Variants in PCDHGB3 observed in about 807,000 individuals in gnomAD.
The protein encoded by PCDHGB3 is protocadherin gamma-B3.
In PCDHGB3, 40 loss-of-function variants were observed where a neutral mutation model predicts 59.2. That is an observed-to-expected ratio of 0.68 (90% CI 0.52 to 0.88). The LOEUF is 0.88. Ranked by LOEUF, PCDHGB3 falls within the 40% of genes least tolerant of loss-of-function variation. PCDHGB3 has a pLI of 0.00. For synonymous variants in PCDHGB3, 581 were observed against 503.6 expected (o/e 1.15, Z -2.06); for missense variants, 1,309 against 1,187.9 (o/e 1.10, Z -1.50).
Position 141,489,934 on chromosome 5 carries a change from G to A in PCDHGB3, c.2416-4873G>A, listed in dbSNP as rs777780708. 1.7e-5 allele frequency: 28 copies of A among 1,614,176 alleles called. No homozygotes were observed. Among genetic ancestry groups the A allele is most frequent in the East Asian group, 6.7e-5 (3 of 44,876 alleles). On this transcript the variant is annotated intron_variant, in intron 1 of 3. Coordinates refer to ENST00000576222, the MANE Select transcript of PCDHGB3 (RefSeq NM_018924.5). This position sits in a 1 kb window ranked among gnomAD's most constrained non-coding sequence, Gnocchi z 4.5. ...AGGGACCACCCTTATCTCTGTCATCGTGCTGGACATCAATGATAATGCTCC... is the reference window on the plus strand; with the variant it reads ...AGGGACCACCCTTATCTCTGTCATCATGCTGGACATCAATGATAATGCTCC...
intron 1 of PCDHGB3, chr5:141,403,047 G>T: frequency 6.2e-7 from 1 of 1,614,062 alleles, no homozygotes; most frequent in Non-Finnish European, 8.5e-7. Flanking sequence ...AGTCAGATTC[G>T]CTACTCAGTG....
chr5:141,400,027 G>A, intron 1 of PCDHGB3: 20 of 1,612,664 alleles, frequency 1.2e-5, no homozygotes, highest in Non-Finnish European at 1.7e-5. Flanking sequence ...CAGGGACGCG[G>A]CCCGCCAGCG....
chr5:141,400,220 T>C, intron 1 of PCDHGB3: 1 of 1,614,006 alleles, frequency 6.2e-7, no homozygotes. Context: ...ATCTCAGTGC[T>C]CTTCCTCCTG....
intron 1 of PCDHGB3, chr5:141,413,715 G>A (rs955570292): frequency 2.5e-6 from 4 of 1,613,472 alleles, no homozygotes; most frequent in Non-Finnish European, 3.4e-6. Context: ...GCCCCAATAA[G>A]CACTTCTCCC....
rs745716373 is a variant in PCDHGB3, at chr5:141,383,166, G to A, written c.2415+10357G>A. 10 of 1,614,130 alleles carry A rather than the reference G, an allele frequency of 6.2e-6. No individual in the cohort carries two copies. In the Admixed American group the frequency reaches 1.3e-4, roughly 22 times the overall value. On this transcript the variant is annotated intron_variant, in intron 1 of 3. Coordinates refer to ENST00000576222, the MANE Select transcript of PCDHGB3 (RefSeq NM_018924.5). ...GCGGCAGCTTGGTCACTGCGGGCAG[G>A]ATAGACCGGGAAGAGATCTGCGCTC...
intron 1 of PCDHGB3, chr5:141,441,387 G>A (rs2098243952): frequency 6.5e-6 from 1 of 153,712 alleles, no homozygotes; most frequent in Non-Finnish European, 1.5e-5. Flanking sequence ...CAGACCCAAG[G>A]TATAACATCA....
chr5:141,388,958 C>G, intron 1 of PCDHGB3: 1 of 1,613,930 alleles, frequency 6.2e-7, no homozygotes, highest in Non-Finnish European at 8.5e-7. Context: ...TGGAGGACGC[C>G]GAGCTGGGAA....
At chr5:141,484,958 G>T in intron 1 of PCDHGB3, 1 of 575,874 alleles carries the variant, frequency 1.7e-6, no homozygotes. Flanking sequence ...TATTGGCTGA[G>T]CCCGGGAGCC....
intron 1 of PCDHGB3, among the ~76,000 whole-genome samples, chr5:141,455,902 TA>T (rs2098836291): frequency 6.7e-6 from 1 of 149,860 alleles, no homozygotes. Context: ...TTTATTTATT[TA>T]TTTATTTATT....
At chr5:141,409,546 C>G in intron 1 of PCDHGB3, 1 of 1,613,998 alleles carries the variant, frequency 6.2e-7, no homozygotes, top group Non-Finnish European at 8.5e-7. Flanking sequence ...TCAACGACAA[C>G]GCCCCAGTTT....
At chr5:141,382,318 T>C (rs1233432296) in intron 1 of PCDHGB3, among the ~76,000 whole-genome samples, 2 of 152,250 alleles carry the variant, frequency 1.3e-5, no homozygotes, top group Non-Finnish European at 2.9e-5. Context: ...TACACTGATG[T>C]AAATATTTTC....
chr5:141,483,133 T>C (rs1263073911), intron 1 of PCDHGB3, among the ~76,000 whole-genome samples: 25 of 152,142 alleles, frequency 1.6e-4, no homozygotes, highest in South Asian at 1.2e-3. Flanking sequence ...GGAGATGAGG[T>C]GAAGCAAGTA....
chr5:141,485,185 G>C lies in PCDHGB3; in HGVS notation c.2416-9622G>C. On this transcript the variant is annotated intron_variant, in intron 1 of 3. Transcript: ENST00000576222. This position sits in a 1 kb window ranked among gnomAD's most constrained non-coding sequence, Gnocchi z 5.7. ...AGCGGGCGGCAGCAATGCTCCGCAA[G>C]GTGAGAAGCTGGACAGAAATCTGGC... 6.2e-7 allele frequency: 1 copy of C among 1,613,528 alleles called. No homozygotes were observed. Among genetic ancestry groups the C allele is most frequent in the Non-Finnish European group, 8.5e-7 (1 of 1,179,492 alleles).
chr5:141,374,543 C>T (rs755927894), intron 1 of PCDHGB3: 3 of 1,613,376 alleles, frequency 1.9e-6, no homozygotes, highest in South Asian at 1.1e-5. Context: ...TCGTTTTCCA[C>T]TAATGGAGGT....
chr5:141,383,611 C>A lies in PCDHGB3; in HGVS notation c.2415+10802C>A, dbSNP rs757490099. ...GGTGACAGTGGTGGATGTGAATGAC[C>A]ACACGCCTGTCTTCTCTCTGCCTCA... On this transcript the variant is annotated intron_variant, in intron 1 of 3. Coordinates refer to ENST00000576222, the MANE Select transcript of PCDHGB3 (RefSeq NM_018924.5). 8 of 1,613,656 alleles carry A rather than the reference C, an allele frequency of 5.0e-6. No individual in the cohort carries two copies. The Admixed American group carries it at 1.3e-4, about 27-fold the overall frequency.
rs1193015568 is a variant in PCDHGB3 at position 141,372,811 on chromosome 5, TGA to T, written c.2415+4_2415+5del. 2 of 1,586,454 alleles carry T rather than the reference TGA, an allele frequency of 1.3e-6. No homozygotes were observed. Among genetic ancestry groups the T allele is most frequent in the Admixed American group, 1.8e-5 (1 of 55,706 alleles). On this transcript the variant is annotated splice_donor_region_variant and intron_variant, in intron 1 of 3. Transcript: ENST00000576222. ...TCTAATTCAGGCAATTTGCAAAAGG[TGA>T]GTTTCTTCAAACCTTTCCTTCCATA...
chr5:141,460,726 A>G lies in PCDHGB3; in HGVS notation c.2416-34081A>G, dbSNP rs545089217. ...GAGAATAAACTATTGTTATAAGCAT[A>G]TATACACATTGTATATATATGTGTA... On this transcript the variant is annotated intron_variant, in intron 1 of 3. Coordinates refer to ENST00000576222, the MANE Select transcript of PCDHGB3 (RefSeq NM_018924.5). Among the ~76,000 whole-genome samples the G allele has an allele frequency of 6.6e-5, 10 of 152,252 alleles. No homozygotes were observed. In the East Asian group the frequency reaches 1.9e-3, roughly 29 times the overall value.
chr5:141,470,742 G>T (rs2099238719), intron 1 of PCDHGB3, among the ~76,000 whole-genome samples: 1 of 152,066 alleles, frequency 6.6e-6, no homozygotes, highest in African/African-American at 2.4e-5. Flanking sequence ...CTGTCGCCCT[G>T]GCTGGAGTGC....
intron 1 of PCDHGB3, chr5:141,377,764 T>C (rs1774337022): frequency 6.6e-6 from 1 of 152,240 alleles, no homozygotes; most frequent in Non-Finnish European, 1.5e-5. Context: ...CACCAGATCT[T>C]TGGTGTTAAA....
Sources: gnomAD v4.1 joint callset for allele counts (sites outside exome capture counted in the v4.1 genomes callset) on GRCh38, gnomAD v4.1.1 for gene constraint, Gnocchi (gnomAD v3.1) non-coding constraint, MANE v1.5 for transcripts, NCBI Gene and HGNC (gene_info 2026-07-23, HGNC 2026-07-21) for gene names.